The following ACSS2 variants were observed in gnomAD, a reference collection of about 807,000 sequenced individuals.
The protein encoded by ACSS2 is acetyl-coenzyme A synthetase, cytoplasmic.
A neutral mutation model predicts 90.6 loss-of-function variants in ACSS2; 58 were observed. The ratio of observed to expected loss-of-function variants is 0.64; its 90% confidence interval spans 0.52 to 0.80. The LOEUF (loss-of-function observed/expected upper bound fraction) is 0.80, where lower values mean the gene tolerates loss of function less well. ACSS2 is among the 30% of genes least tolerant of loss of function. ACSS2 has a pLI of 0.00. For synonymous variants in ACSS2, 300 were observed against 330.9 expected (o/e 0.91, Z 1.01); for missense variants, 759 against 912.0 (o/e 0.83, Z 2.16).
chr20:34,888,067 C>CAAAA (rs34578238), intron 2 of ACSS2, among the ~76,000 whole-genome samples: 168 of 62,166 alleles, frequency 2.7e-3, no homozygotes, highest in African/African-American at 3.5e-3. Context: ...AAGACTCCAT[C>CAAAA]AAAAAAAAAA....
chr20:34,926,428 G>C (rs1485648578), intron 16 of ACSS2, 147 bp downstream of exon 16: 6 of 704,154 alleles, frequency 8.5e-6, no homozygotes, highest in Middle Eastern at 3.8e-4. Context: ...CCCTCTTCCT[G>C]TTCAGTCTCC....
At chr20:34,926,381 C>G in intron 16 of ACSS2, 100 bp downstream of exon 16, 1 of 1,356,032 alleles carries the variant, frequency 7.4e-7, no homozygotes, top group Non-Finnish European at 1.0e-6. Flanking sequence ...GCTCCCCAAA[C>G]CACAAACAGA....
chr20:34,891,433 G>A (rs889555915), intron 2 of ACSS2, among the ~76,000 whole-genome samples: 6 of 152,090 alleles, frequency 3.9e-5, no homozygotes, highest in African/African-American at 1.4e-4. Context: ...CTCAGTAGGC[G>A]GGTTGAATTT....
At chr20:34,899,008 T>TG (rs1437101060) in intron 2 of ACSS2, among the ~76,000 whole-genome samples, 1 of 152,196 alleles carries the variant, frequency 6.6e-6, no homozygotes, top group Non-Finnish European at 1.5e-5. Context: ...CTGGCACTGC[T>TG]GGGGTACCCA....
chr20:34,908,864 G>GGA (rs2080876042), intron 2 of ACSS2: 5 of 261,912 alleles, frequency 1.9e-5, no homozygotes, highest in Admixed American at 1.3e-4. Context: ...TCCATCTTGG[G>GGA]AAAAAAAAAA....
chr20:34,921,111 A>T lies in ACSS2; in HGVS notation c.1249A>T (p.Met417Leu), dbSNP rs754412224. The T allele has an allele frequency of 4.3e-6, 7 of 1,614,206 alleles. No individual in the cohort carries two copies. Among genetic ancestry groups the T allele is most frequent in the Admixed American group, 1.7e-5 (1 of 60,028 alleles). ...AGCACCCACAGCCATCCGTCTGCTC[A>T]TGAAGTTTGGAGATGAGCCTGTCAC... is the stretch of plus-strand genomic sequence containing the variant. ...YTAPTAIRLL[M>L]KFGDEPVTKH... Residue 417 changes from methionine (M) to leucine (L), a missense_variant, in exon 10 of 18, where the codon ATG becomes TTG. Transcript: ENST00000360596.
At chr20:34,900,501 G>A (rs1007195258) in intron 2 of ACSS2, among the ~76,000 whole-genome samples, 42 of 152,190 alleles carry the variant, frequency 2.8e-4, no homozygotes, top group Admixed American at 2.1e-3. Context: ...AAGACTGGCC[G>A]GTACAGTCCT....
chr20:34,903,751 G>C (rs897481038), intron 2 of ACSS2, among the ~76,000 whole-genome samples: 11 of 151,750 alleles, frequency 7.2e-5, no homozygotes, highest in Admixed American at 7.2e-4. Flanking sequence ...CATATAAAGA[G>C]GGGAGCTGGG....
At position 34,927,298 on chromosome 20, in the gene ACSS2, G is replaced by T; in HGVS notation, c.*84G>T. The T allele has an allele frequency of 6.4e-7, 1 of 1,560,148 alleles. No homozygotes were observed. The highest frequency in any genetic ancestry group is 8.7e-7 in the Non-Finnish European group (1 of 1,146,382). On this transcript the variant is annotated 3_prime_UTR_variant, in exon 18 of 18. Transcript: ENST00000360596. This position sits in a 1 kb window ranked among gnomAD's most constrained non-coding sequence, Gnocchi z 4.2. The stretch of plus-strand genomic sequence containing the variant: ...GCCCCCTCAGGAGTGCTGAGGGCCA[G>T]TGTTGACCCACACTACCCTCCCTTG...
intron 1 of ACSS2, 44 bp from the exon 2 acceptor site, chr20:34,882,750 G>A: frequency 6.3e-7 from 1 of 1,590,106 alleles, no homozygotes; most frequent in Non-Finnish European, 8.6e-7. Context: ...GGCTAAATAT[G>A]TCTCAGAAGA....
chr20:34,885,253 G>T (rs1468099845), intron 2 of ACSS2, among the ~76,000 whole-genome samples: 1 of 152,074 alleles, frequency 6.6e-6, no homozygotes, highest in Non-Finnish European at 1.5e-5. Context: ...GGAAAAAAAA[G>T]ATCATAAAAG....
chr20:34,889,680 A>G (rs905041150), intron 2 of ACSS2, among the ~76,000 whole-genome samples: 2 of 152,226 alleles, frequency 1.3e-5, no homozygotes, highest in African/African-American at 4.8e-5. Context: ...TTAGGAGGCT[A>G]TTGTAGAAAT....
intron 2 of ACSS2, among the ~76,000 whole-genome samples, chr20:34,883,629 G>A (rs911795942): frequency 6.6e-6 from 1 of 152,140 alleles, no homozygotes; most frequent in African/African-American, 2.4e-5. Context: ...TGTAAAATAG[G>A]AATTCTTAGT....
upstream of ACSS2, chr20:34,875,042 A>C: frequency 1.9e-6 from 1 of 534,518 alleles, no homozygotes; most frequent in Admixed American, 1.9e-5. Context: ...AGGCCTCAGA[A>C]TCACTCTTGG....
chr20:34,901,510 A>G (rs534213982), intron 2 of ACSS2, among the ~76,000 whole-genome samples: 1 of 152,332 alleles, frequency 6.6e-6, no homozygotes, highest in East Asian at 1.9e-4. Context: ...CCCAGAGGGA[A>G]CATTAGGCTG....
intron 2 of ACSS2, among the ~76,000 whole-genome samples, chr20:34,908,198 T>C (rs2080856270): frequency 1.3e-5 from 2 of 152,132 alleles, no homozygotes; most frequent in African/African-American, 4.8e-5. Flanking sequence ...GCAGGGGCAA[T>C]GATGTGGCCA....
At chr20:34,890,520 A>G (rs1344620466) in intron 2 of ACSS2, among the ~76,000 whole-genome samples, 1 of 152,108 alleles carries the variant, frequency 6.6e-6, no homozygotes, top group Non-Finnish European at 1.5e-5. Flanking sequence ...GATTTGGGGG[A>G]TTAAGTAAAA....
chr20:34,921,201 T>C, intron 10 of ACSS2, 62 bp downstream of exon 10: 5 of 1,611,800 alleles, frequency 3.1e-6, no homozygotes, highest in Non-Finnish European at 4.2e-6. Flanking sequence ...CTGGCCTTTG[T>C]ACAGTCTCTT....
intron 1 of ACSS2, among the ~76,000 whole-genome samples, chr20:34,881,887 A>G (rs181112427): frequency 6.6e-6 from 1 of 152,246 alleles, no homozygotes; most frequent in Non-Finnish European, 1.5e-5. Flanking sequence ...TAACACTTAT[A>G]TAAGTAGAAG....
Sources: gnomAD v4.1 joint callset for allele counts (sites outside exome capture counted in the v4.1 genomes callset) on GRCh38, gnomAD v4.1.1 for gene constraint, Gnocchi (gnomAD v3.1) non-coding constraint, MANE v1.5 for transcripts, NCBI Gene and HGNC (gene_info 2026-07-23, HGNC 2026-07-21) for gene names.